Variants in ZNF597 observed in about 807,000 individuals in gnomAD.
The protein encoded by ZNF597 is zinc finger protein 597.
Under a neutral mutation model 7.3 loss-of-function variants are expected in ZNF597, and 5 were observed. That is an observed-to-expected ratio of 0.68 (90% CI 0.36 to 1.44). ZNF597 has a LOEUF of 1.44. Ranked by LOEUF, ZNF597 falls within the 40% of genes most tolerant of loss-of-function variation. ZNF597 has a pLI of 0.04. For missense variants in ZNF597, 585 were observed against 517.9 expected, an observed-to-expected ratio of 1.13 and a Z score of -1.26; for synonymous variants, 209 against 185.4, an observed-to-expected ratio of 1.13 and a Z score of -1.04.
At chr16:3,438,592 G>C (rs1352160986) in intron 3 of ZNF597, among the ~76,000 whole-genome samples, 1 of 151,130 alleles carries the variant, frequency 6.6e-6, no homozygotes, top group Non-Finnish European at 1.5e-5. Context: ...AATTAAAAAA[G>C]AAAAAAGAAA....
Position 3,436,328 on chromosome 16 carries a change from G to T in ZNF597, c.*96C>A. On this transcript the variant is annotated 3_prime_UTR_variant, in exon 4 of 4. Coordinates refer to ENST00000301744, the MANE Select transcript of ZNF597 (RefSeq NM_152457.3). Reference sequence around the variant, plus strand: ...AGTATTACATGGGAATGTGTGTAAAGTGCTTAGCACATTGCCTGGGACATA... The same window carrying T: ...AGTATTACATGGGAATGTGTGTAAATTGCTTAGCACATTGCCTGGGACATA... 8.5e-7 allele frequency: 1 copy of T among 1,174,278 alleles called. No homozygotes were observed. The highest frequency in any genetic ancestry group is 1.2e-6 in the Non-Finnish European group (1 of 840,122). 72.7% of individuals were successfully genotyped at this position (1,174,278 alleles called of 1,614,324 possible).
At chr16:3,440,981 C>T (rs1359159774) in intron 2 of ZNF597, 48 bp from the exon 3 acceptor site, 3 of 1,591,972 alleles carry the variant, frequency 1.9e-6, no homozygotes, top group African/African-American at 1.4e-5. Context: ...AGGGTCAGCC[C>T]CTCACTTAAC....
At position 3,434,057 on chromosome 16, in the gene ZNF597, T is replaced by A. The variant is rs192352793; in HGVS notation, c.*2367A>T. The A allele has an allele frequency of 3.3e-5, 5 of 152,264 alleles. No homozygotes were observed. Among genetic ancestry groups the A allele is most frequent in the Admixed American group, 3.3e-4 (5 of 15,290 alleles). 9.4% of individuals were successfully genotyped at this position (152,264 alleles called of 1,614,324 possible). ...TTCCATATTAAGGTGCAGAACAGGA[T>A]GTATGGCACAAATTCTCACTTTCTG... On this transcript the variant is annotated 3_prime_UTR_variant, in exon 4 of 4. Coordinates refer to ENST00000301744, the MANE Select transcript of ZNF597 (RefSeq NM_152457.3).
At position 3,437,456 on chromosome 16, in the gene ZNF597, G is replaced by A. The variant is rs890628739; in HGVS notation, c.243C>T (p.Pro81=). 3 of 1,614,140 alleles carry A rather than the reference G, an allele frequency of 1.9e-6. No individual in the cohort carries two copies. Among genetic ancestry groups the A allele is most frequent in the Non-Finnish European group, 2.5e-6 (3 of 1,180,016 alleles). The part of the protein sequence containing the change: ...ELDELALEKY[P]IAAPLVPYPE... ...GGTAAGGGACAAGGGGTGCAGCAAT[G>A]GGGTACTTTTCTAAGGCAAGCTCGT... The change falls in exon 4 of 4, where the codon CCC becomes CCT. Residue 81 remains proline, a synonymous_variant. Transcript: ENST00000301744.
chr16:3,442,048 G>T (rs11077337), intron 2 of ZNF597, among the ~76,000 whole-genome samples: 69,316 of 151,384 alleles, frequency 0.46, 18,122 homozygotes, highest in East Asian at 0.64. Flanking sequence ...AGAGATAAAG[G>T]TTACAGGATT....
intron 3 of ZNF597, among the ~76,000 whole-genome samples, chr16:3,439,745 A>C (rs1227930775): frequency 6.6e-6 from 1 of 152,198 alleles, no homozygotes; most frequent in Non-Finnish European, 1.5e-5. Context: ...ACAACATAAA[A>C]TTCTTAATCT....
rs2034425993 is a variant in ZNF597 at position 3,443,412 on chromosome 16, C to A, written c.-106G>T. 1 of 521,366 alleles carries A rather than the reference C, an allele frequency of 1.9e-6. No individual in the cohort carries two copies. Among genetic ancestry groups the A allele is most frequent in the East Asian group, 3.3e-5 (1 of 30,018 alleles). The allele number at this position is 521,366 out of a possible 1,614,324, so 32.3% of individuals were successfully genotyped here. On this transcript the variant is annotated 5_prime_UTR_variant, in exon 1 of 4. Coordinates refer to ENST00000301744, the MANE Select transcript of ZNF597 (RefSeq NM_152457.3). The stretch of plus-strand genomic sequence containing the variant: ...GCTCCCTGACAGGAGCTGCAGAAAG[C>A]GACGCCCGACCGAGACGCGACGAAG...
intron 2 of ZNF597, among the ~76,000 whole-genome samples, chr16:3,441,716 G>A (rs145825022): frequency 0.028 from 4,182 of 151,328 alleles, 105 homozygotes; most frequent in Admixed American, 0.052. Context: ...CTGAGATCGT[G>A]CCACTGCACT....
Position 3,436,431 on chromosome 16 carries a change from G to C in ZNF597, c.1268C>G (p.Thr423Ser). The change falls in exon 4 of 4, where the codon ACC becomes AGC. Residue 423 changes from threonine (T) to serine (S), a missense_variant. Physicochemically the swap from Thr to Ser is moderately conservative, Grantham distance 58. Coordinates refer to ENST00000301744, the MANE Select transcript of ZNF597 (RefSeq NM_152457.3). ...ITHKRTHIKN[T>S]T ...CAATTTGTTATATTTACTTTACGTGGTGTTTTTTATGTGAGTTCGCTTATG... is the reference window on the plus strand; with the variant it reads ...CAATTTGTTATATTTACTTTACGTGCTGTTTTTTATGTGAGTTCGCTTATG... 6.2e-7 allele frequency: 1 copy of C among 1,611,878 alleles called. No individual in the cohort carries two copies. The highest frequency in any genetic ancestry group is 8.5e-7 in the Non-Finnish European group (1 of 1,178,598).
chr16:3,438,493 G>A (rs924097051), intron 3 of ZNF597, among the ~76,000 whole-genome samples: 1 of 151,644 alleles, frequency 6.6e-6, no homozygotes, highest in Non-Finnish European at 1.5e-5. Flanking sequence ...AACCCAGGAG[G>A]CGGAGCTTGC....
At chr16:3,440,066 C>G (rs1300978304) in intron 3 of ZNF597, among the ~76,000 whole-genome samples, 1 of 152,030 alleles carries the variant, frequency 6.6e-6, no homozygotes, top group East Asian at 1.9e-4. Flanking sequence ...AGAATAACTA[C>G]TTAGAATAGA....
At position 3,437,255 on chromosome 16, in the gene ZNF597, G is replaced by A; in HGVS notation, c.444C>T (p.Pro148=). The change falls in exon 4 of 4, where the codon CCC becomes CCT. Residue 148 remains proline (P), a synonymous_variant. Coordinates refer to ENST00000301744, the MANE Select transcript of ZNF597 (RefSeq NM_152457.3). ...TGTACACATTTTTGGCTCCTTCCCA[G>A]GGAGAATCAAGAATTTCAGAAAGTG... ...TNTLSEILDS[P]WEGAKNVYKC... 2 of 1,614,152 alleles carry A rather than the reference G, an allele frequency of 1.2e-6. No individual in the cohort carries two copies.
chr16:3,437,476 G>C lies in ZNF597; in HGVS notation c.223C>G (p.Leu75Val), dbSNP rs534693071. 1 of 1,614,108 alleles carries C rather than the reference G, an allele frequency of 6.2e-7. No individual in the cohort carries two copies. The highest frequency in any genetic ancestry group is 2.2e-5 in the East Asian group (1 of 44,886). Reference sequence around the variant, plus strand: ...GCAATGGGGTACTTTTCTAAGGCAAGCTCGTCAAGTTCCATAGACTCTAGG... The same window carrying C: ...GCAATGGGGTACTTTTCTAAGGCAACCTCGTCAAGTTCCATAGACTCTAGG... ...LSLESMELDE[L>V]ALEKYPIAAP... Residue 75 changes from leucine to valine, a missense_variant, in exon 4 of 4, where the codon CTT becomes GTT. Physicochemically the swap from Leu to Val is conservative, Grantham distance 32. Transcript: ENST00000301744.
chr16:3,438,889 A>G (rs915603313), intron 3 of ZNF597, among the ~76,000 whole-genome samples: 2 of 152,242 alleles, frequency 1.3e-5, no homozygotes, highest in African/African-American at 4.8e-5. Flanking sequence ...AAAGTTCTAC[A>G]GTTTTCCCAA....
At chr16:3,437,567 C>A in intron 3 of ZNF597, 29 bp from the exon 4 acceptor site, 1 of 1,559,768 alleles carries the variant, frequency 6.4e-7, no homozygotes, top group Non-Finnish European at 8.6e-7. Flanking sequence ...GAAAGCAAAA[C>A]ATAGACAATA....
intron 1 of ZNF597, 48 bp from the exon 2 acceptor site, chr16:3,443,254 G>A (rs1162720314): frequency 6.6e-6 from 8 of 1,218,916 alleles, no homozygotes; most frequent in South Asian, 2.8e-5. Flanking sequence ...CCGCTGCCAA[G>A]TTCCTCCACT....
intron 3 of ZNF597, among the ~76,000 whole-genome samples, chr16:3,438,334 T>C (rs37826): frequency 0.27 from 40,844 of 150,030 alleles, 5,962 homozygotes; most frequent in African/African-American, 0.4. Flanking sequence ...CCGAGGCGGG[T>C]GGATCACGAG....
rs778096126 is a variant in ZNF597, at chr16:3,437,160, C to A, written c.539G>T (p.Gly180Val). 6.2e-7 allele frequency: 1 copy of A among 1,614,138 alleles called. No homozygotes were observed. Residue 180 changes from glycine (G) to valine (V), a missense_variant, in exon 4 of 4, where the codon GGA becomes GTA. Physicochemically the swap from Gly to Val is moderately radical, Grantham distance 109. Transcript: ENST00000301744. ...GTCACCACATTTATGTTTTTTCTCT[C>A]CTGAATGAATTTTCTGATGCAAAAC... Reference protein sequence around the residue: ...YLVLHQKIHSGEKKHKCGDCG... With the variant: ...YLVLHQKIHSVEKKHKCGDCG...
chr16:3,436,470 A>G lies in ZNF597; in HGVS notation c.1229T>C (p.Leu410Ser), dbSNP rs1405689930. 4 of 1,614,208 alleles carry G rather than the reference A, an allele frequency of 2.5e-6. No individual in the cohort carries two copies. Residue 410 changes from leucine (L) to serine (S), a missense_variant, in exon 4 of 4, where the codon TTG (leucine) becomes TCG (serine). Leu to Ser is a moderately radical substitution (Grantham distance 145). Transcript: ENST00000301744. ...AGTTCGCTTATGAGTAATGAGATGC[A>G]AATTCGACTTGAAAGTTTTCCCACA... ...TVCGKTFKSN[L>S]HLITHKRTHI...
Sources: gnomAD v4.1 joint callset for allele counts (sites outside exome capture counted in the v4.1 genomes callset) on GRCh38, gnomAD v4.1.1 for gene constraint, MANE v1.5 for transcripts, NCBI Gene and HGNC (gene_info 2026-07-23, HGNC 2026-07-21) for gene names.